The following SYT1 variants were observed in gnomAD, a reference collection of about 807,000 sequenced individuals.
SYT1 encodes synaptotagmin 1.
A neutral mutation model predicts 44.8 loss-of-function variants in SYT1; 8 were observed. The ratio of observed to expected loss-of-function variants is 0.18; its 90% CI spans 0.10 to 0.32. SYT1 has a LOEUF of 0.32. Ranked by LOEUF, SYT1 falls within the 10% of genes least tolerant of loss-of-function variation. The pLI is 1.00. For missense variants in SYT1, 286 were observed against 509.3 expected (o/e 0.56, Z 4.22); for synonymous variants, 154 against 188.8 (o/e 0.82, Z 1.51).
intron 3 of SYT1, among the ~76,000 whole-genome samples, chr12:79,165,035 G>T (rs1871153395): frequency 6.6e-6 from 1 of 152,022 alleles, no homozygotes; most frequent in Non-Finnish European, 1.5e-5. Flanking sequence ...CTGTGGAAGT[G>T]AGAGGAAAGC....
intron 4 of SYT1, among the ~76,000 whole-genome samples, chr12:79,278,257 A>G (rs1473904361): frequency 1.3e-5 from 2 of 152,120 alleles, no homozygotes; most frequent in African/African-American, 2.4e-5. Context: ...AGACCATATG[A>G]CAGGCCACAA....
intron 3 of SYT1, among the ~76,000 whole-genome samples, chr12:79,075,157 T>C (rs1453282710): frequency 1.3e-5 from 2 of 152,218 alleles, no homozygotes; most frequent in East Asian, 1.9e-4. Context: ...TACATACTGA[T>C]GCAAAAGAGA....
intron 8 of SYT1, among the ~76,000 whole-genome samples, chr12:79,342,018 A>T (rs1453157271): frequency 6.6e-6 from 1 of 152,090 alleles, no homozygotes; most frequent in Non-Finnish European, 1.5e-5. Context: ...GTTTATGTGA[A>T]GCCTCTGAAA....
intron 1 of SYT1, among the ~76,000 whole-genome samples, chr12:78,958,618 C>T (rs896577228): frequency 1.3e-5 from 2 of 151,900 alleles, no homozygotes; most frequent in Non-Finnish European, 2.9e-5. Context: ...TCACTTGAAC[C>T]TGGGAGGCAG....
chr12:79,108,151 A>C (rs1878819096), intron 3 of SYT1, among the ~76,000 whole-genome samples: 1 of 152,000 alleles, frequency 6.6e-6, no homozygotes, highest in African/African-American at 2.4e-5. Flanking sequence ...AGCTGATAAC[A>C]ATATAATCTC....
chr12:79,145,508 T>G (rs1869823505), intron 3 of SYT1, among the ~76,000 whole-genome samples: 1 of 152,176 alleles, frequency 6.6e-6, no homozygotes, highest in African/African-American at 2.4e-5. Context: ...AAGTGTATGG[T>G]ATGTATGCTT....
chr12:79,259,508 A>C (rs1328754326), intron 4 of SYT1, among the ~76,000 whole-genome samples: 2 of 152,178 alleles, frequency 1.3e-5, no homozygotes, highest in Non-Finnish European at 2.9e-5. Flanking sequence ...CAAAGACTGG[A>C]GAATGCTTGA....
intron 9 of SYT1, among the ~76,000 whole-genome samples, chr12:79,363,142 AG>A (rs1054955697): frequency 7.9e-5 from 12 of 152,244 alleles, no homozygotes; most frequent in African/African-American, 2.9e-4. Context: ...AAAAAAAATA[AG>A]GAGGGTCAGA....
chr12:78,876,846 A>ATATAATATATTATATG (rs1874162120), intron 1 of SYT1, among the ~76,000 whole-genome samples: 6 of 41,110 alleles, frequency 1.5e-4, no homozygotes, highest in African/African-American at 7.8e-4. Flanking sequence ...TATATAATAT[A>ATATAATATATTATATG]TATTATATAT....
intron 3 of SYT1, among the ~76,000 whole-genome samples, chr12:79,064,097 A>T (rs1875588263): frequency 6.6e-6 from 1 of 152,150 alleles, no homozygotes; most frequent in Non-Finnish European, 1.5e-5. Context: ...AGATGAATCT[A>T]TTCAGCCATG....
intron 9 of SYT1, among the ~76,000 whole-genome samples, chr12:79,389,221 T>C (rs750698156): frequency 6.6e-6 from 1 of 152,206 alleles, no homozygotes; most frequent in Non-Finnish European, 1.5e-5. Flanking sequence ...CTATAGAACG[T>C]CTTACTAATC....
intron 3 of SYT1, among the ~76,000 whole-genome samples, chr12:79,116,641 C>T (rs1424753442): frequency 6.6e-6 from 1 of 152,152 alleles, no homozygotes; most frequent in Non-Finnish European, 1.5e-5. Flanking sequence ...CTGCCATTTA[C>T]AAGAGCAGTC....
chr12:79,345,523 C>T (rs1245172145), intron 8 of SYT1, among the ~76,000 whole-genome samples: 1 of 151,978 alleles, frequency 6.6e-6, no homozygotes, highest in Non-Finnish European at 1.5e-5. Flanking sequence ...ACAGAGTATG[C>T]CTAAAGAATA....
At chr12:78,970,095 A>G (rs1221986071) in intron 1 of SYT1, among the ~76,000 whole-genome samples, 1 of 152,224 alleles carries the variant, frequency 6.6e-6, no homozygotes, top group African/African-American at 2.4e-5. Flanking sequence ...CACTCAATGT[A>G]TTAATGATGG....
At chr12:78,915,424 C>T (rs1444451444) in intron 1 of SYT1, among the ~76,000 whole-genome samples, 1 of 151,908 alleles carries the variant, frequency 6.6e-6, no homozygotes, top group Admixed American at 6.6e-5. Flanking sequence ...CGCTGATAGA[C>T]TCGAAGGAGG....
chr12:78,920,883 G>A (rs1876945860), intron 1 of SYT1, among the ~76,000 whole-genome samples: 2 of 151,784 alleles, frequency 1.3e-5, no homozygotes, highest in Non-Finnish European at 1.5e-5. Flanking sequence ...TTTGTTCAAG[G>A]CCATGCAGCT....
chr12:79,249,299 T>C (rs1000341261), intron 4 of SYT1, among the ~76,000 whole-genome samples: 13 of 151,022 alleles, frequency 8.6e-5, no homozygotes, highest in African/African-American at 2.9e-4. Context: ...AGAGACGGGG[T>C]TTCACCTTGT....
chr12:79,100,202 C>T (rs149458357), intron 3 of SYT1, among the ~76,000 whole-genome samples: 245 of 152,086 alleles, frequency 1.6e-3, no homozygotes, highest in African/African-American at 5.0e-3. Flanking sequence ...AGCAACTGTA[C>T]GAAGTATTAT....
chr12:79,309,729 G>T (rs1880671754), intron 8 of SYT1, among the ~76,000 whole-genome samples: 1 of 152,196 alleles, frequency 6.6e-6, no homozygotes. Flanking sequence ...AAATTATAAA[G>T]CTAGTTAAAT....
Sources: gnomAD v4.1 joint callset for allele counts (sites outside exome capture counted in the v4.1 genomes callset) on GRCh38, gnomAD v4.1.1 for gene constraint, MANE v1.5 for transcripts, NCBI Gene and HGNC (gene_info 2026-07-23, HGNC 2026-07-21) for gene names.